Variants in PUDP observed in about 807,000 individuals in gnomAD.
The protein encoded by PUDP is pseudouridine-5'-phosphatase.
PUDP carries 8 observed loss-of-function variants against 9.4 expected under a neutral mutation model. That is an observed-to-expected ratio of 0.85 (90% CI 0.50 to 1.53). The LOEUF (loss-of-function observed/expected upper bound fraction) is 1.53. Among genes scored for constraint, PUDP ranks in the 40% most tolerant of loss-of-function variants. The probability of loss-of-function intolerance (pLI) is 0.00; values close to 1 mark genes in which losing one functional copy is unlikely to be tolerated. For synonymous variants in PUDP, 99 were observed against 80.7 expected, an observed-to-expected ratio of 1.23 and a Z score of -1.22; for missense variants, 188 against 189.7, an observed-to-expected ratio of 0.99 and a Z score of 0.05.
At chrX:6,964,118 CAA>C (rs1198145088) in intron 3 of PUDP, among the ~76,000 whole-genome samples, 2 of 112,171 alleles carry the variant, frequency 1.8e-5, no homozygotes, top group African/African-American at 6.5e-5. Context: ...TATTTACAAA[CAA>C]AGTGCTTTAG....
intron 3 of PUDP, among the ~76,000 whole-genome samples, chrX:6,795,610 C>T (rs1343610760): frequency 9.0e-6 from 1 of 111,191 alleles, no homozygotes; most frequent in Non-Finnish European, 1.9e-5. Flanking sequence ...GGGAGATATT[C>T]ATTGAACTGG....
chrX:6,922,152 C>G (rs35889732), intron 3 of PUDP, among the ~76,000 whole-genome samples: 1 of 109,178 alleles, frequency 9.2e-6, no homozygotes. Flanking sequence ...TTAATAGCTA[C>G]AAAAAAATAG....
At chrX:7,111,460 C>T (rs1001015765) in intron 1 of PUDP, among the ~76,000 whole-genome samples, 10 of 93,298 alleles carry the variant, frequency 1.1e-4, no homozygotes, top group African/African-American at 3.6e-4. Context: ...ATTTAATAGC[C>T]GCTGACCTGC....
intron 3 of PUDP, among the ~76,000 whole-genome samples, chrX:6,801,553 C>A (rs1393748533): frequency 9.0e-6 from 1 of 111,282 alleles, no homozygotes; most frequent in East Asian, 2.8e-4. Context: ...CACAATATAA[C>A]CAGTCAGAGG....
At chrX:7,080,982 C>T (rs1470741716) in intron 2 of PUDP, among the ~76,000 whole-genome samples, 2 of 109,457 alleles carry the variant, frequency 1.8e-5, no homozygotes, top group Non-Finnish European at 3.8e-5. Flanking sequence ...GTGATTAAAG[C>T]TGAGTATCAA....
At chrX:6,909,972 A>C (rs972809980) in intron 3 of PUDP, among the ~76,000 whole-genome samples, 1 of 112,470 alleles carries the variant, frequency 8.9e-6, no homozygotes, top group African/African-American at 3.2e-5. Context: ...GGAGAGACTT[A>C]GCCAAAGGCT....
chrX:6,869,234 AAAC>A, intron 3 of PUDP, among the ~76,000 whole-genome samples: 1 of 112,062 alleles, frequency 8.9e-6, no homozygotes, highest in East Asian at 2.8e-4. Context: ...TAGTGGAATA[AAAC>A]AACTATCGTT....
intron 3 of PUDP, among the ~76,000 whole-genome samples, chrX:6,830,188 G>T (rs1926483459): frequency 9.1e-6 from 1 of 110,119 alleles, no homozygotes; most frequent in Non-Finnish European, 1.9e-5. Flanking sequence ...AAATGATAAA[G>T]AAAAAAGTGA....
chrX:6,730,485 T>C (rs750994089), intron 3 of PUDP, among the ~76,000 whole-genome samples: 1 of 112,195 alleles, frequency 8.9e-6, no homozygotes, highest in Non-Finnish European at 1.9e-5. Flanking sequence ...CAATCCTGTC[T>C]TCCCATCCTC....
intron 1 of PUDP, among the ~76,000 whole-genome samples, chrX:7,137,568 C>G (rs1932763491): frequency 9.0e-6 from 1 of 111,551 alleles, no homozygotes; most frequent in Non-Finnish European, 1.9e-5. Context: ...CACAAACAAA[C>G]AAAAAACCTC....
intron 1 of PUDP, among the ~76,000 whole-genome samples, chrX:7,106,420 T>A (rs1931884898): frequency 8.9e-6 from 1 of 112,362 alleles, no homozygotes; most frequent in Non-Finnish European, 1.9e-5. Context: ...GGGCACAGCC[T>A]CAGAAACATA....
At position 7,094,353 on chromosome X, in the gene PUDP, AT is replaced by A. The variant is rs57548230; in HGVS notation, c.280+11266del. ...TCCATATACATCATTGAATAAGCTGATTTTTTTTTTTTTTTTTTTTTGAGAC... is the reference window on the plus strand; with the variant it reads ...TCCATATACATCATTGAATAAGCTGATTTTTTTTTTTTTTTTTTTTGAGAC... On this transcript the variant is annotated intron_variant, in intron 2 of 3. Transcript: ENST00000381077. Among the ~76,000 whole-genome samples the A allele has an allele frequency of 2.5e-3, 185 of 73,408 alleles. 2 individuals are homozygous for A. Among genetic ancestry groups the A allele is most frequent in the South Asian group, 0.016 (20 of 1,256 alleles). The allele number at this position is 73,408 out of a possible 115,157, so 63.7% of individuals were successfully genotyped here.
At chrX:6,986,081 G>A (rs1007195112) in intron 1 of PUDP, among the ~76,000 whole-genome samples, 2 of 111,614 alleles carry the variant, frequency 1.8e-5, no homozygotes, top group Non-Finnish European at 3.8e-5. Context: ...GGCAACGTTA[G>A]GAAGTTATGC....
chrX:6,950,594 T>C (rs1928540346), intron 3 of PUDP, among the ~76,000 whole-genome samples: 1 of 104,944 alleles, frequency 9.5e-6, no homozygotes, highest in Non-Finnish European at 1.9e-5. Flanking sequence ...GTATTTTTAG[T>C]GTAGACAGGG....
chrX:7,010,386 C>T lies in PUDP; in HGVS notation c.205-32043G>A, dbSNP rs144836559. The stretch of plus-strand genomic sequence containing the variant: ...TTACACATTCACTATGGACACTGCA[C>T]CACTGTGGATGCTGCACCACTGCGG... On this transcript the variant is annotated intron_variant and NMD_transcript_variant, in intron 1 of 3. Transcript: ENST00000655425. Among the ~76,000 whole-genome samples, 13 of 112,105 alleles carry T rather than the reference C, an allele frequency of 1.2e-4. No homozygotes were observed. The East Asian group carries it at 3.6e-3, about 31-fold the overall frequency.
At chrX:7,051,623 C>G (rs1422657020) in intron 3 of PUDP, among the ~76,000 whole-genome samples, 1 of 111,996 alleles carries the variant, frequency 8.9e-6, no homozygotes, top group Non-Finnish European at 1.9e-5. Context: ...TCAGTGAGCT[C>G]CTAAAGGTGC....
intron 3 of PUDP, among the ~76,000 whole-genome samples, chrX:7,061,461 G>A (rs1930400157): frequency 9.0e-6 from 1 of 111,367 alleles, no homozygotes; most frequent in South Asian, 3.7e-4. Flanking sequence ...AGTTTTTGGA[G>A]AACCTACTGA....
chrX:6,881,376 G>C (rs1322055582), intron 3 of PUDP, among the ~76,000 whole-genome samples: 7 of 111,903 alleles, frequency 6.3e-5, no homozygotes, highest in Non-Finnish European at 1.3e-4. Flanking sequence ...CAGTCTCTCT[G>C]TTTATAATCT....
In PUDP at chrX:6,978,305, A is replaced by G. The variant is rs1431950791; in HGVS notation, c.243T>C (p.Thr81=). Among the ~76,000 whole-genome samples, 3 of 111,479 alleles carry G rather than the reference A, an allele frequency of 2.7e-5. No homozygotes were observed. In the East Asian group the frequency reaches 8.4e-4, roughly 31 times the overall value. ...GGAATCCATGATGGTTTTTGTGCTAAGTCCCATCTTCAGTAGGAAATGCCA... is the reference window on the plus strand; with the variant it reads ...GGAATCCATGATGGTTTTTGTGCTAGGTCCCATCTTCAGTAGGAAATGCCA... Residue 81 remains threonine (T), a synonymous_variant and NMD_transcript_variant, in exon 2 of 4, where the codon ACT becomes ACC. Coordinates refer to the PUDP transcript ENST00000655425.
Sources: gnomAD v4.1 joint callset for allele counts (sites outside exome capture counted in the v4.1 genomes callset) on GRCh38, gnomAD v4.1.1 for gene constraint, MANE v1.5 for transcripts, NCBI Gene and HGNC (gene_info 2026-07-23, HGNC 2026-07-21) for gene names.